Variants in PCF11 observed in about 807,000 individuals in gnomAD.
PCF11 encodes pre-mRNA cleavage complex 2 protein Pcf11.
Under a neutral mutation model 166.1 loss-of-function variants are expected in PCF11, and 19 were observed. The ratio of observed to expected loss-of-function variants is 0.11; its 90% confidence interval spans 0.08 to 0.17. The LOEUF (loss-of-function observed/expected upper bound fraction) is 0.17. PCF11 is among the 10% of genes least tolerant of loss of function. PCF11 has a pLI of 1.00. For missense variants in PCF11, 1,565 were observed against 1,855.5 expected, an observed-to-expected ratio of 0.84 and a Z score of 2.88; for synonymous variants, 663 against 644.1, an observed-to-expected ratio of 1.03 and a Z score of -0.44.
intron 1 of PCF11, chr11:83,157,901 G>C (rs764312673): frequency 2.1e-6 from 1 of 479,172 alleles, no homozygotes; most frequent in Non-Finnish European, 3.8e-6. Context: ...ACACACACAC[G>C]CTTTGAATAG....
chr11:83,176,325 C>T (rs528749421), intron 9 of PCF11, among the ~76,000 whole-genome samples: 1 of 152,272 alleles, frequency 6.6e-6, no homozygotes, highest in East Asian at 1.9e-4. Flanking sequence ...ACCCAGCAAT[C>T]CCATTACTGG....
chr11:83,186,558 C>G (rs1861298451), exon 16 of PCF11: 1 of 152,140 alleles, frequency 6.6e-6, no homozygotes, highest in Admixed American at 6.6e-5. Context: ...TAGTGAAGAG[C>G]CTTCTTGGTC....
At chr11:83,182,697 C>T (rs1050978183) in intron 14 of PCF11, among the ~76,000 whole-genome samples, 1 of 152,150 alleles carries the variant, frequency 6.6e-6, no homozygotes, top group African/African-American at 2.4e-5. Flanking sequence ...CAGGAGGTTG[C>T]ACTATTAGTC....
chr11:83,184,142 GCT>G (rs1422290848), intron 15 of PCF11: 1 of 123,112 alleles, frequency 8.1e-6, no homozygotes, highest in East Asian at 2.4e-4. Context: ...ACAAGAGTGA[GCT>G]CTGTCTCAAA....
intron 9 of PCF11, 91 bp from the exon 10 acceptor site, chr11:83,176,994 A>C: frequency 1.1e-6 from 1 of 911,214 alleles, no homozygotes; most frequent in Non-Finnish European, 1.5e-6. Context: ...TCTTGAAGAA[A>C]ACTTTGAAAA....
At chr11:83,176,580 A>G (rs1433104192) in intron 9 of PCF11, among the ~76,000 whole-genome samples, 1 of 152,120 alleles carries the variant, frequency 6.6e-6, no homozygotes, top group Admixed American at 6.6e-5. Flanking sequence ...GCAAACTATC[A>G]CAAGGGCAGA....
exon 8 of PCF11, chr11:83,168,912 T>C (rs374824928): frequency 1.2e-6 from 2 of 1,613,608 alleles, no homozygotes; most frequent in African/African-American, 2.7e-5. Flanking sequence ...TTGAGGGATC[T>C]CCAGGTGGTT....
chr11:83,161,831 T>TG (rs942306955), intron 2 of PCF11, among the ~76,000 whole-genome samples: 7 of 152,228 alleles, frequency 4.6e-5, no homozygotes, highest in East Asian at 3.9e-4. Flanking sequence ...ACTGTTCTCT[T>TG]GGGGGGGTAA....
At chr11:83,164,714 C>CA (rs897532681) in intron 4 of PCF11, among the ~76,000 whole-genome samples, 4,781 of 138,154 alleles carry the variant, frequency 0.035, 237 homozygotes, top group African/African-American at 0.12. Context: ...GAGGCCCTAC[C>CA]AAAAAAAAAA....
intron 15 of PCF11, chr11:83,184,435 C>A: frequency 2.5e-6 from 1 of 402,432 alleles, no homozygotes; most frequent in South Asian, 3.1e-5. Context: ...CTTTTTTTGG[C>A]TGTATAATGT....
exon 5 of PCF11, chr11:83,166,388 A>T (rs749340433): frequency 6.2e-7 from 1 of 1,613,972 alleles, no homozygotes; most frequent in South Asian, 1.1e-5. Context: ...CCCCAAAGAG[A>T]AGAGATAGGC....
chr11:83,173,599 A>C (rs1413178360), intron 9 of PCF11, among the ~76,000 whole-genome samples: 1 of 151,118 alleles, frequency 6.6e-6, no homozygotes, highest in East Asian at 1.9e-4. Context: ...CAAGTGCTAT[A>C]TTAATGTATT....
At chr11:83,176,667 C>T (rs976241375) in intron 9 of PCF11, among the ~76,000 whole-genome samples, 3 of 151,026 alleles carry the variant, frequency 2.0e-5, no homozygotes, top group Non-Finnish European at 4.4e-5. Flanking sequence ...CAGGGAACAT[C>T]ACACACCAGG....
intron 15 of PCF11, 43 bp downstream of exon 15, chr11:83,183,116 A>G: frequency 8.5e-7 from 1 of 1,180,818 alleles, no homozygotes; most frequent in Non-Finnish European, 1.2e-6. Context: ...ATTTGCATTA[A>G]TAAATTTTAC....
rs1480930673 is a variant in PCF11 at position 83,182,382 on chromosome 11, A to G, written c.4324-17A>G. Reference sequence around the variant, plus strand: ...TGGTCTATTATGTAAATTTCATTTTATATGATTCTATTTTAGAGTTGTGAA... The same window carrying G: ...TGGTCTATTATGTAAATTTCATTTTGTATGATTCTATTTTAGAGTTGTGAA... On this transcript the variant is annotated splice_polypyrimidine_tract_variant and intron_variant, in intron 13 of 15. Coordinates refer to ENST00000298281, the Ensembl canonical transcript of PCF11. 7.0e-6 allele frequency: 9 copies of G among 1,293,422 alleles called. No individual in the cohort carries two copies. The highest frequency in any genetic ancestry group is 5.4e-5 in the Admixed American group (3 of 55,048). The allele number at this position is 1,293,422 out of a possible 1,614,324, so 80.1% of individuals were successfully genotyped here. A position where few individuals can be genotyped will look rare whatever the true frequency, so the allele number is the denominator to read the frequency against.
chr11:83,157,353 A>G (rs549173), exon 1 of PCF11: 1 of 1,198,560 alleles, frequency 8.3e-7, no homozygotes, highest in Non-Finnish European at 1.2e-6. Context: ...AGAGCCGGGG[A>G]GAGGAAGAGG....
In PCF11 at chr11:83,183,153, C is replaced by A. The variant is rs137955452; in HGVS notation, c.4452+80C>A. On this transcript the variant is annotated intron_variant, in intron 15 of 15. Coordinates refer to ENST00000298281, the Ensembl canonical transcript of PCF11. ...TTTCAGTTTTTTTTTTGCATCAGAG[C>A]AATATTGTTATTTTAAACTTAATAT... 1.3e-4 allele frequency: 97 copies of A among 767,152 alleles called. No individual in the cohort carries two copies. In the African/African-American group the frequency reaches 1.4e-3, roughly 11 times the overall value. The allele number at this position is 767,152 out of a possible 1,614,324, so 47.5% of individuals were successfully genotyped here.
chr11:83,157,700 G>T, intron 1 of PCF11, 69 bp downstream of exon 1: 2 of 1,404,264 alleles, frequency 1.4e-6, no homozygotes, highest in Non-Finnish European at 2.0e-6. Context: ...CCTCATCCCA[G>T]GTCTCGCTTC....
At chr11:83,173,278 A>C (rs1212808267) in intron 9 of PCF11, among the ~76,000 whole-genome samples, 1 of 152,146 alleles carries the variant, frequency 6.6e-6, no homozygotes, top group East Asian at 1.9e-4. Flanking sequence ...AACATGGTGA[A>C]ACCTCGTCTC....
Sources: allele counts gnomAD v4.1 joint callset (sites outside exome capture counted in the v4.1 genomes callset), GRCh38; gene constraint gnomAD v4.1.1; transcripts MANE v1.5; gene names NCBI Gene and HGNC (gene_info 2026-07-23, HGNC 2026-07-21).